KANSL1: variants seen among roughly 807,000 people sequenced by gnomAD.
The protein encoded by KANSL1 is MLL1/MLL complex subunit KANSL1.
A neutral mutation model predicts 103.6 loss-of-function variants in KANSL1; 22 were observed. The ratio of observed to expected loss-of-function variants is 0.21; its 90% CI spans 0.15 to 0.30. The LOEUF (loss-of-function observed/expected upper bound fraction) is 0.30. Ranked by LOEUF, KANSL1 falls within the 10% of genes least tolerant of loss-of-function variation. The pLI is 1.00. For missense variants in KANSL1, 1,337 were observed against 1,399.8 expected (o/e 0.96, Z 0.72); for synonymous variants, 600 against 527.6 (o/e 1.14, Z -1.88).
At chr17:46,141,258 C>A (rs117056889) in intron 2 of KANSL1, among the ~76,000 whole-genome samples, 2,871 of 152,142 alleles carry the variant, frequency 0.019, 33 homozygotes, top group Middle Eastern at 0.045. Flanking sequence ...TGCATTAAAC[C>A]CAGTAGGTCT....
chr17:46,166,342 C>T (rs2045999649), intron 2 of KANSL1, among the ~76,000 whole-genome samples: 1 of 151,968 alleles, frequency 6.6e-6, no homozygotes, highest in Non-Finnish European at 1.5e-5. Flanking sequence ...CAAAACCCTG[C>T]CTCTACTAAA....
At position 46,082,515 on chromosome 17, in the gene KANSL1, G is replaced by A. The variant is rs566436667; in HGVS notation, c.1459C>T (p.Pro487Ser). The A allele has an allele frequency of 6.2e-7, 1 of 1,611,796 alleles. No individual in the cohort carries two copies. Among genetic ancestry groups the A allele is most frequent in the South Asian group, 1.1e-5 (1 of 90,854 alleles). ...KGLIVLGEVP[P>S]PEHTTDLFLP... ...AATAAGTCTGTTGTATGCTCTGGGG[G>A]AGGTACCTCCCCAAGAACTATCAAC... The change falls in exon 4 of 15, where the codon CCC becomes TCC. Residue 487 changes from proline (P) to serine (S), a missense_variant. Coordinates refer to ENST00000432791, the MANE Select transcript of KANSL1 (RefSeq NM_015443.4).
chr17:46,032,552 A>T, intron 13 of KANSL1: 1 of 421,480 alleles, frequency 2.4e-6, no homozygotes, highest in South Asian at 8.8e-5. Flanking sequence ...TGAATTCAGG[A>T]GGTTAGGGAG....
In KANSL1 at chr17:46,170,840, A is replaced by T; in HGVS notation, c.1289+15T>A. 3 of 1,573,776 alleles carry T rather than the reference A, an allele frequency of 1.9e-6. No individual in the cohort carries two copies. Among genetic ancestry groups the T allele is most frequent in the Non-Finnish European group, 2.6e-6 (3 of 1,161,086 alleles). The stretch of plus-strand genomic sequence containing the variant: ...ACATTTCTCAAGAATGCTATCATGC[A>T]TGAGGTCTACTCACAGGGGTACATG... On this transcript the variant is annotated intron_variant, in intron 2 of 14. Coordinates refer to ENST00000432791, the MANE Select transcript of KANSL1 (RefSeq NM_015443.4).
At chr17:46,113,599 C>T (rs979973321) in intron 2 of KANSL1, among the ~76,000 whole-genome samples, 1 of 151,430 alleles carries the variant, frequency 6.6e-6, no homozygotes, top group Non-Finnish European at 1.5e-5. Flanking sequence ...TCAAGATACT[C>T]CTCAGTTCTC....
chr17:46,113,688 A>T (rs2042920683), intron 2 of KANSL1, among the ~76,000 whole-genome samples: 1 of 152,160 alleles, frequency 6.6e-6, no homozygotes, highest in Admixed American at 6.5e-5. Context: ...AATGTTAATG[A>T]ATTTATGATC....
At chr17:46,146,273 A>C (rs1332461005) in intron 2 of KANSL1, among the ~76,000 whole-genome samples, 1 of 152,186 alleles carries the variant, frequency 6.6e-6, no homozygotes, top group African/African-American at 2.4e-5. Flanking sequence ...CACTCATTTG[A>C]TCCTCTTTAA....
At chr17:46,122,895 C>G (rs1567699945) in intron 2 of KANSL1, among the ~76,000 whole-genome samples, 1 of 152,166 alleles carries the variant, frequency 6.6e-6, no homozygotes, top group South Asian at 2.1e-4. Context: ...TGGCCATTCC[C>G]CTGTCTCTCT....
Position 46,165,292 on chromosome 17 carries a change from G to A in KANSL1, c.1289+5563C>T, listed in dbSNP as rs141110288. On this transcript the variant is annotated intron_variant, in intron 2 of 14. Transcript: ENST00000432791. ...CTGTCGCCCAGGCTGGAGTGCAGTG[G>A]TGCGATCTCGGCTCACTGCAAGCTC... Among the ~76,000 whole-genome samples, 825 of 152,194 alleles carry A rather than the reference G, an allele frequency of 5.4e-3. 9 individuals carry two copies. Among genetic ancestry groups the A allele is most frequent in the African/African-American group, 0.019 (787 of 41,508 alleles).
intron 3 of KANSL1, among the ~76,000 whole-genome samples, chr17:46,091,034 A>G (rs563613983): frequency 6.6e-6 from 1 of 152,372 alleles, no homozygotes; most frequent in Non-Finnish European, 1.5e-5. Flanking sequence ...AACAGCCTCC[A>G]GCAGGTCCTT....
At chr17:46,091,589 G>A (rs1461667469) in intron 3 of KANSL1, among the ~76,000 whole-genome samples, 1 of 151,954 alleles carries the variant, frequency 6.6e-6, no homozygotes, top group South Asian at 2.1e-4. Context: ...GCCCTATACA[G>A]GTGTACCATT....
At chr17:46,194,613 A>C (rs1334298038), upstream of KANSL1, among the ~76,000 whole-genome samples, 1 of 152,254 alleles carries the variant, frequency 6.6e-6, no homozygotes, top group Non-Finnish European at 1.5e-5. Flanking sequence ...TTAAAAGACT[A>C]ATCTAGGATT....
intron 2 of KANSL1, among the ~76,000 whole-genome samples, chr17:46,127,683 T>C (rs1390759554): frequency 6.6e-6 from 1 of 151,600 alleles, no homozygotes; most frequent in African/African-American, 2.4e-5. Flanking sequence ...GAGGCTGAGG[T>C]GGGAGGACTG....
At chr17:46,144,101 C>T (rs1002735382) in intron 2 of KANSL1, among the ~76,000 whole-genome samples, 10 of 152,028 alleles carry the variant, frequency 6.6e-5, no homozygotes, top group South Asian at 2.1e-4. Flanking sequence ...GGGGGGAAAA[C>T]GAAAAATTAT....
upstream of KANSL1, among the ~76,000 whole-genome samples, chr17:46,197,960 T>G (rs996238154): frequency 7.9e-5 from 12 of 152,206 alleles, no homozygotes; most frequent in African/African-American, 2.9e-4. Flanking sequence ...ATGAATAACT[T>G]TTTTTGCACT....
intron 10 of KANSL1, chr17:46,034,596 C>T (rs2077097398): frequency 3.0e-6 from 1 of 336,514 alleles, no homozygotes; most frequent in Admixed American, 4.8e-5. Flanking sequence ...GGGGTTCCTA[C>T]TCTATATACA....
chr17:46,100,688 A>C (rs1451223285), intron 2 of KANSL1, among the ~76,000 whole-genome samples: 3 of 152,224 alleles, frequency 2.0e-5, no homozygotes, highest in Admixed American at 6.5e-5. Flanking sequence ...GGAACACCAC[A>C]TGTTGACTAC....
chr17:46,157,062 G>A (rs909681714), intron 2 of KANSL1, among the ~76,000 whole-genome samples: 4 of 152,200 alleles, frequency 2.6e-5, no homozygotes, highest in African/African-American at 7.2e-5. Flanking sequence ...GATCCTGAAA[G>A]GCTAGTCTCC....
chr17:46,174,651 G>C (rs1302775573), intron 1 of KANSL1, among the ~76,000 whole-genome samples: 5 of 152,210 alleles, frequency 3.3e-5, no homozygotes, highest in Non-Finnish European at 5.9e-5. Context: ...TGGGTAAAAA[G>C]TTTAAGTGCA....
Sources: allele counts gnomAD v4.1 joint callset (sites outside exome capture counted in the v4.1 genomes callset), GRCh38; gene constraint gnomAD v4.1.1; transcripts MANE v1.5; gene names NCBI Gene and HGNC (gene_info 2026-07-23, HGNC 2026-07-21).